The following RSRC1 variants were observed in gnomAD, a reference collection of about 807,000 sequenced individuals.
RSRC1 encodes arginine and serine rich coiled-coil 1.
Under a neutral mutation model 49.1 loss-of-function variants are expected in RSRC1, and 39 were observed. The ratio of observed to expected loss-of-function variants is 0.79; its 90% CI spans 0.61 to 1.04. The LOEUF (loss-of-function observed/expected upper bound fraction) is 1.04, where lower values mean the gene tolerates loss of function less well. Among genes scored for constraint, RSRC1 ranks in the 50% least tolerant of loss-of-function variants. RSRC1 has a pLI of 0.00. For missense variants in RSRC1, 388 were observed against 402.4 expected (o/e 0.96, Z 0.31); for synonymous variants, 143 against 130.8 (o/e 1.09, Z -0.63).
intron 4 of RSRC1, among the ~76,000 whole-genome samples, chr3:158,239,038 A>G (rs935552025): frequency 1.3e-5 from 2 of 151,990 alleles, no homozygotes; most frequent in African/African-American, 4.8e-5. Flanking sequence ...AAACCATCAA[A>G]AAGTGGGCAA....
chr3:158,430,073 A>ACAC (rs35049376), intron 6 of RSRC1, among the ~76,000 whole-genome samples: 5 of 74,704 alleles, frequency 6.7e-5, no homozygotes, highest in Admixed American at 4.9e-4. Flanking sequence ...CCACACACAC[A>ACAC]AAAAAAATAA....
intron 5 of RSRC1, among the ~76,000 whole-genome samples, chr3:158,314,853 G>A (rs1158534569): frequency 1.3e-5 from 2 of 152,120 alleles, no homozygotes; most frequent in Non-Finnish European, 2.9e-5. Flanking sequence ...CCAAAATGGT[G>A]AAACCCCGTC....
At chr3:158,125,178 CTT>C (rs1393505854) in intron 3 of RSRC1, among the ~76,000 whole-genome samples, 1 of 151,574 alleles carries the variant, frequency 6.6e-6, no homozygotes, top group Non-Finnish European at 1.5e-5. Context: ...TCAAAAAACT[CTT>C]AGTTTTGTTG....
chr3:158,131,942 C>G (rs1363064009), intron 3 of RSRC1: 3 of 190,650 alleles, frequency 1.6e-5, no homozygotes, highest in East Asian at 2.3e-4. Flanking sequence ...ACTGTAAAGG[C>G]CAGCATAAAT....
intron 5 of RSRC1, among the ~76,000 whole-genome samples, chr3:158,325,412 G>A (rs1263123191): frequency 1.3e-5 from 2 of 152,194 alleles, no homozygotes; most frequent in African/African-American, 4.8e-5. Context: ...TGTATATGGT[G>A]TAAGGAAGTG....
chr3:158,315,670 TTG>T (rs1385261621), intron 5 of RSRC1, among the ~76,000 whole-genome samples: 3 of 151,022 alleles, frequency 2.0e-5, no homozygotes, highest in Non-Finnish European at 4.4e-5. Context: ...AATGAAGGAG[TTG>T]TTTTATTTAT....
chr3:158,431,743 G>C (rs903749867), intron 6 of RSRC1, among the ~76,000 whole-genome samples: 8 of 151,688 alleles, frequency 5.3e-5, no homozygotes, highest in Admixed American at 2.6e-4. Flanking sequence ...GGTAAAATAG[G>C]ATTTTCTAAA....
At chr3:158,141,520 C>A (rs150030787) in intron 3 of RSRC1, among the ~76,000 whole-genome samples, 1 of 152,142 alleles carries the variant, frequency 6.6e-6, no homozygotes, top group Non-Finnish European at 1.5e-5. Flanking sequence ...AATGACTATG[C>A]AAGTGTAAAT....
At chr3:158,202,899 G>A (rs1721139791) in intron 3 of RSRC1, among the ~76,000 whole-genome samples, 173 bp from the exon 4 acceptor site, 1 of 151,984 alleles carries the variant, frequency 6.6e-6, no homozygotes, top group Admixed American at 6.6e-5. Flanking sequence ...CTCATATTAA[G>A]TGAGAGCATT....
chr3:158,424,692 G>A (rs1480575445), intron 6 of RSRC1, among the ~76,000 whole-genome samples: 1 of 151,996 alleles, frequency 6.6e-6, no homozygotes, highest in Non-Finnish European at 1.5e-5. Flanking sequence ...GAATTCGGCT[G>A]TGAATCCATC....
chr3:158,154,670 G>A (rs902142298), intron 3 of RSRC1, among the ~76,000 whole-genome samples: 7 of 151,896 alleles, frequency 4.6e-5, no homozygotes, highest in African/African-American at 1.7e-4. Flanking sequence ...TCACCATGTT[G>A]GCCAGGATGG....
At chr3:158,134,032 G>A (rs1366938751) in intron 3 of RSRC1, among the ~76,000 whole-genome samples, 1 of 152,140 alleles carries the variant, frequency 6.6e-6, no homozygotes, top group African/African-American at 2.4e-5. Context: ...CTTGATACAA[G>A]CATGCATGAT....
intron 5 of RSRC1, among the ~76,000 whole-genome samples, chr3:158,300,705 A>C (rs1727494814): frequency 1.3e-5 from 2 of 152,176 alleles, no homozygotes; most frequent in South Asian, 4.1e-4. Flanking sequence ...CATCCTGTAC[A>C]TTTGGAATTA....
At chr3:158,246,547 C>T (rs1723913146) in intron 4 of RSRC1, among the ~76,000 whole-genome samples, 1 of 152,088 alleles carries the variant, frequency 6.6e-6, no homozygotes, top group Non-Finnish European at 1.5e-5. Context: ...TAGTGTGCTT[C>T]CTTCAAGAGC....
At chr3:158,517,808 T>C (rs1457076984) in intron 7 of RSRC1, among the ~76,000 whole-genome samples, 1 of 133,624 alleles carries the variant, frequency 7.5e-6, no homozygotes, top group African/African-American at 2.9e-5. Context: ...AGACAGGGTC[T>C]GACCAGGTTG....
At chr3:158,450,967 A>G (rs904048456) in intron 6 of RSRC1, among the ~76,000 whole-genome samples, 11 of 151,828 alleles carry the variant, frequency 7.2e-5, no homozygotes, top group Non-Finnish European at 1.2e-4. Flanking sequence ...TACTCTTTTT[A>G]AATATATAAG....
At chr3:158,467,322 A>G (rs1045535874) in intron 7 of RSRC1, among the ~76,000 whole-genome samples, 3 of 152,216 alleles carry the variant, frequency 2.0e-5, no homozygotes, top group Non-Finnish European at 4.4e-5. Context: ...TAAAATGAAA[A>G]CAAATCATAA....
chr3:158,386,207 A>C (rs1732958744), intron 6 of RSRC1, among the ~76,000 whole-genome samples: 1 of 152,044 alleles, frequency 6.6e-6, no homozygotes, highest in Non-Finnish European at 1.5e-5. Context: ...TTGTCTTTTA[A>C]CTTTGTGGAC....
At chr3:158,510,990 A>G (rs963250662) in intron 7 of RSRC1, among the ~76,000 whole-genome samples, 55 of 152,130 alleles carry the variant, frequency 3.6e-4, no homozygotes, top group African/African-American at 1.3e-3. Flanking sequence ...TCTTTATGAT[A>G]TTGAGTATTT....
Sources: gnomAD v4.1 joint callset for allele counts (sites outside exome capture counted in the v4.1 genomes callset) on GRCh38, gnomAD v4.1.1 for gene constraint, MANE v1.5 for transcripts, NCBI Gene and HGNC (gene_info 2026-07-23, HGNC 2026-07-21) for gene names.